The following WASL variants were observed in gnomAD, a reference collection of about 807,000 sequenced individuals.
WASL encodes the protein WASP like actin nucleation promoting factor.
In WASL, 20 loss-of-function variants were observed where a neutral mutation model predicts 55.5. That is an observed-to-expected ratio of 0.36 (90% CI 0.25 to 0.52). The LOEUF is 0.52. Ranked by LOEUF, WASL falls within the 20% of genes least tolerant of loss-of-function variation. The pLI is 0.92. For missense variants in WASL, 504 were observed against 622.5 expected (o/e 0.81, Z 2.03); for synonymous variants, 249 against 217.6 (o/e 1.14, Z -1.27).
At chr7:123,697,981 G>A (rs1803518155) in intron 5 of WASL, among the ~76,000 whole-genome samples, 1 of 151,808 alleles carries the variant, frequency 6.6e-6, no homozygotes, top group African/African-American at 2.4e-5. Flanking sequence ...TTCACAAGTT[G>A]TCACAATTCA....
chr7:123,691,350 C>T (rs532642770), intron 9 of WASL, among the ~76,000 whole-genome samples: 38 of 152,068 alleles, frequency 2.5e-4, no homozygotes, highest in African/African-American at 8.0e-4. Flanking sequence ...TAGGAGTCAG[C>T]AAACTTGAGC....
At chr7:123,702,159 A>G (rs769737219) in intron 5 of WASL, among the ~76,000 whole-genome samples, 3 of 152,012 alleles carry the variant, frequency 2.0e-5, no homozygotes, top group Non-Finnish European at 2.9e-5. Context: ...GGGTTCAAGC[A>G]ATTCTCCTGC....
chr7:123,704,436 T>C (rs1803636183), intron 5 of WASL, among the ~76,000 whole-genome samples, 198 bp downstream of exon 5: 1 of 152,124 alleles, frequency 6.6e-6, no homozygotes, highest in Non-Finnish European at 1.5e-5. Context: ...CTGTCAATCA[T>C]TAATTAAAAA....
At chr7:123,731,905 G>C (rs907045077) in intron 1 of WASL, among the ~76,000 whole-genome samples, 5 of 151,914 alleles carry the variant, frequency 3.3e-5, no homozygotes, top group Non-Finnish European at 7.4e-5. Flanking sequence ...AAGAAAAAAA[G>C]AATTATAGCA....
At chr7:123,742,054 G>A (rs545922310) in intron 1 of WASL, among the ~76,000 whole-genome samples, 2 of 152,152 alleles carry the variant, frequency 1.3e-5, no homozygotes, top group Non-Finnish European at 2.9e-5. Context: ...GTCCACAACA[G>A]AGAGATGGCC....
chr7:123,693,615 A>C (rs758778990), intron 8 of WASL, among the ~76,000 whole-genome samples: 130 of 152,354 alleles, frequency 8.5e-4, no homozygotes, highest in Non-Finnish European at 1.5e-3. Context: ...CTATTATTCC[A>C]GTAGTCATGA....
At position 123,748,935 on chromosome 7, in the gene WASL, G is replaced by A; in HGVS notation, c.-201C>T. On this transcript the variant is annotated 5_prime_UTR_variant, in exon 1 of 11. Coordinates refer to ENST00000223023, the MANE Select transcript of WASL (RefSeq NM_003941.4). ...CCACCTTCGCGCCGCGCTGAGAAAG[G>A]GAAGCTCCCGGCACCCGCCCGGCCA... 1.8e-6 allele frequency: 1 copy of A among 568,396 alleles called. No individual in the cohort carries two copies. Among genetic ancestry groups the A allele is most frequent in the Non-Finnish European group, 3.1e-6 (1 of 323,760 alleles). 35.2% of individuals were successfully genotyped at this position (568,396 alleles called of 1,614,324 possible).
chr7:123,719,619 T>C (rs1384468997), intron 1 of WASL, among the ~76,000 whole-genome samples: 1 of 152,158 alleles, frequency 6.6e-6, no homozygotes, highest in Non-Finnish European at 1.5e-5. Flanking sequence ...AAATTCAAGT[T>C]AGCTCACTGC....
In WASL at chr7:123,706,270, G is replaced by C. The variant is rs1223495077; in HGVS notation, c.436+7C>G. The C allele has an allele frequency of 4.3e-6, 7 of 1,612,330 alleles. No homozygotes were observed. Among genetic ancestry groups the C allele is most frequent in the African/African-American group, 1.3e-5 (1 of 74,786 alleles). ...TGGCCTGATTTAAGTAATTAAAAAAGGGTTACCAGATTTCCTTTGTCGACG... is the reference window on the plus strand; with the variant it reads ...TGGCCTGATTTAAGTAATTAAAAAACGGTTACCAGATTTCCTTTGTCGACG... On this transcript the variant is annotated splice_region_variant and intron_variant, in intron 4 of 10. Coordinates refer to ENST00000223023, the MANE Select transcript of WASL (RefSeq NM_003941.4).
chr7:123,734,587 A>G (rs1430428826), intron 1 of WASL, among the ~76,000 whole-genome samples: 1 of 135,600 alleles, frequency 7.4e-6, no homozygotes, highest in Non-Finnish European at 1.6e-5. Flanking sequence ...CACTATAGAA[A>G]ATGTAAAAAA....
At chr7:123,746,759 G>A (rs1174600948) in intron 1 of WASL, among the ~76,000 whole-genome samples, 3 of 152,176 alleles carry the variant, frequency 2.0e-5, no homozygotes, top group Non-Finnish European at 4.4e-5. Context: ...CTCTATCACA[G>A]TATTTTTCCC....
At chr7:123,706,881 T>C in intron 2 of WASL, 55 bp from the exon 3 acceptor site, 1 of 1,132,604 alleles carries the variant, frequency 8.8e-7, no homozygotes, top group Non-Finnish European at 1.3e-6. Context: ...TCTCTAGGAA[T>C]AAAACAAAGA....
intron 1 of WASL, among the ~76,000 whole-genome samples, chr7:123,714,953 C>G (rs1356621694): frequency 6.6e-6 from 1 of 151,944 alleles, no homozygotes; most frequent in African/African-American, 2.4e-5. Context: ...AAAGACCCTA[C>G]CATAGGAAAG....
At position 123,706,744 on chromosome 7, in the gene WASL, C is replaced by A; in HGVS notation, c.335G>T (p.Gly112Val). The change falls in exon 3 of 11, where the codon GGA (glycine) becomes GTA (valine). Residue 112 changes from glycine (G) to valine (V), a missense_variant. By Grantham distance (109) the Gly-to-Val change is moderately radical (BLOSUM62 -3). Coordinates refer to ENST00000223023, the MANE Select transcript of WASL (RefSeq NM_003941.4). ...SPRGYFHTFA[G>V]DTCQVALNFA... ...ATAAAGAAAAATATGACTTACATCTCCAGCAAAGGTATGAAAATATCCTCT... is the reference window on the plus strand; with the variant it reads ...ATAAAGAAAAATATGACTTACATCTACAGCAAAGGTATGAAAATATCCTCT... 1 of 1,563,240 alleles carries A rather than the reference C, an allele frequency of 6.4e-7. No individual in the cohort carries two copies. Among genetic ancestry groups the A allele is most frequent in the South Asian group, 1.2e-5 (1 of 81,378 alleles).
At chr7:123,707,937 G>A (rs370306879) in intron 2 of WASL, among the ~76,000 whole-genome samples, 2 of 152,192 alleles carry the variant, frequency 1.3e-5, no homozygotes, top group African/African-American at 4.8e-5. Context: ...TGTAATCCCA[G>A]CACTTTGGGA....
intron 2 of WASL, among the ~76,000 whole-genome samples, chr7:123,708,429 T>C (rs1803705336): frequency 6.6e-6 from 1 of 152,168 alleles, no homozygotes; most frequent in Non-Finnish European, 1.5e-5. Flanking sequence ...CATATAAATA[T>C]TAATCATGGA....
chr7:123,714,320 G>A (rs1311134443), intron 1 of WASL, among the ~76,000 whole-genome samples: 1 of 152,006 alleles, frequency 6.6e-6, no homozygotes, highest in East Asian at 1.9e-4. Flanking sequence ...TTATCACCTG[G>A]TAATTTCTAC....
rs141301969 is a variant in WASL at position 123,696,068 on chromosome 7, G to C, written c.630-203C>G. Among the ~76,000 whole-genome samples the C allele has an allele frequency of 6.0e-4, 92 of 152,084 alleles. 1 individual carries two copies. The highest frequency in any genetic ancestry group is 1.2e-3 in the Non-Finnish European group (83 of 67,894). On this transcript the variant is annotated intron_variant, in intron 6 of 10. Transcript: ENST00000223023. The stretch of plus-strand genomic sequence containing the variant: ...TCTAGCCCTGACTCTGCTACTAACT[G>C]AAACTTAAAATTTTTGTACAATCTC...
chr7:123,711,666 CCA>C (rs1339713851), intron 1 of WASL, among the ~76,000 whole-genome samples: 1 of 152,120 alleles, frequency 6.6e-6, no homozygotes, highest in East Asian at 1.9e-4. Flanking sequence ...TCACTAATCC[CCA>C]CACTCTAGAT....
Sources: allele counts gnomAD v4.1 joint callset (sites outside exome capture counted in the v4.1 genomes callset), GRCh38; gene constraint gnomAD v4.1.1; transcripts MANE v1.5; gene names NCBI Gene and HGNC (gene_info 2026-07-23, HGNC 2026-07-21).